NIBAN1: variants seen among roughly 807,000 people sequenced by gnomAD.
NIBAN1 encodes the protein niban apoptosis regulator 1, also known as protein Niban 1.
In NIBAN1, 81 loss-of-function variants were observed where a neutral mutation model predicts 75.1. That is an observed-to-expected ratio of 1.08 (90% CI 0.90 to 1.30). NIBAN1 has a LOEUF of 1.30. Among genes scored for constraint, NIBAN1 ranks in the 50% most tolerant of loss-of-function variants. NIBAN1 has a pLI of 0.00. For missense variants in NIBAN1, 1,133 were observed against 1,128.1 expected (o/e 1.00, Z -0.06); for synonymous variants, 436 against 424.8 (o/e 1.03, Z -0.32).
intron 9 of NIBAN1, among the ~76,000 whole-genome samples, chr1:184,816,257 T>C (rs1654531097): frequency 2.0e-5 from 3 of 152,220 alleles, no homozygotes; most frequent in African/African-American, 4.8e-5. Context: ...TGGTGTGCTG[T>C]ATTCTCTCAA....
At chr1:184,854,853 A>G (rs192251649) in intron 5 of NIBAN1, among the ~76,000 whole-genome samples, 3 of 152,346 alleles carry the variant, frequency 2.0e-5, no homozygotes, top group South Asian at 4.1e-4. Context: ...AATTAACTCA[A>G]TCCATGGAAC....
chr1:184,899,029 C>G, intron 2 of NIBAN1, 150 bp downstream of exon 2: 13 of 805,848 alleles, frequency 1.6e-5, no homozygotes, highest in Non-Finnish European at 2.5e-5. Flanking sequence ...ATTCTAACTT[C>G]CAGGCAAATA....
intron 1 of NIBAN1, among the ~76,000 whole-genome samples, chr1:184,919,894 A>G (rs1037991004): frequency 2.6e-5 from 4 of 151,920 alleles, no homozygotes. Flanking sequence ...CTTCAAGCAG[A>G]AGAAATTTCC....
chr1:184,845,978 C>CA (rs1349988226), intron 5 of NIBAN1, among the ~76,000 whole-genome samples: 1 of 82,104 alleles, frequency 1.2e-5, no homozygotes, highest in East Asian at 2.6e-4. Flanking sequence ...GTCCTACGCC[C>CA]ACGGAATCTC....
chr1:184,883,025 T>C (rs1240826698), intron 5 of NIBAN1, among the ~76,000 whole-genome samples: 1 of 152,224 alleles, frequency 6.6e-6, no homozygotes, highest in Non-Finnish European at 1.5e-5. Context: ...CTTATCTTTT[T>C]CCGTGAGTCC....
At chr1:184,829,758 G>A (rs376832747) in intron 6 of NIBAN1, among the ~76,000 whole-genome samples, 125 of 152,180 alleles carry the variant, frequency 8.2e-4, no homozygotes, top group African/African-American at 2.6e-3. Flanking sequence ...GAGCCACTGC[G>A]CCTGGCCTAA....
chr1:184,888,182 C>G (rs1054072398), intron 4 of NIBAN1: 2 of 152,166 alleles, frequency 1.3e-5, no homozygotes, highest in South Asian at 2.1e-4. Context: ...GAGTGAGACT[C>G]TGTCTCAAAA....
intron 5 of NIBAN1, among the ~76,000 whole-genome samples, chr1:184,852,989 A>T (rs1655583229): frequency 6.6e-6 from 1 of 152,208 alleles, no homozygotes; most frequent in Non-Finnish European, 1.5e-5. Flanking sequence ...TGGACTTACC[A>T]CATGGAATAT....
intron 1 of NIBAN1, among the ~76,000 whole-genome samples, chr1:184,922,357 A>AT (rs1245477031): frequency 2.6e-5 from 4 of 151,856 alleles, no homozygotes; most frequent in East Asian, 1.9e-4. Flanking sequence ...ATCTAACTAC[A>AT]TTTTTTTACC....
At chr1:184,852,769 A>T (rs769941686) in intron 5 of NIBAN1, among the ~76,000 whole-genome samples, 10 of 152,202 alleles carry the variant, frequency 6.6e-5, no homozygotes, top group Admixed American at 4.6e-4. Context: ...CCCGCTAAAC[A>T]TTCTCTCTTT....
chr1:184,876,624 C>G (rs1362009377), intron 5 of NIBAN1, among the ~76,000 whole-genome samples: 4 of 151,562 alleles, frequency 2.6e-5, no homozygotes, highest in African/African-American at 9.7e-5. Flanking sequence ...CCTCTTGAGC[C>G]AGGGAGGCAG....
intron 1 of NIBAN1, among the ~76,000 whole-genome samples, chr1:184,919,909 T>A (rs919620240): frequency 6.6e-6 from 1 of 151,894 alleles, no homozygotes; most frequent in East Asian, 1.9e-4. Flanking sequence ...ATTTCCTTTT[T>A]TCAGGGGCTG....
intron 9 of NIBAN1, among the ~76,000 whole-genome samples, chr1:184,817,389 G>C (rs1188885135): frequency 6.6e-6 from 1 of 152,320 alleles, no homozygotes; most frequent in South Asian, 2.1e-4. Context: ...TATATACCCA[G>C]TAATGGGATG....
chr1:184,857,835 G>A (rs529568984), intron 5 of NIBAN1, among the ~76,000 whole-genome samples: 104 of 151,766 alleles, frequency 6.9e-4, no homozygotes, highest in African/African-American at 1.4e-3. Flanking sequence ...TGGTGCTGGC[G>A]CAACTGATTT....
intron 1 of NIBAN1, among the ~76,000 whole-genome samples, chr1:184,964,191 G>A (rs1237607820): frequency 1.3e-5 from 2 of 152,212 alleles, no homozygotes; most frequent in Non-Finnish European, 2.9e-5. Context: ...AGTGACTGCT[G>A]AGGAGTGGAA....
intron 5 of NIBAN1, among the ~76,000 whole-genome samples, chr1:184,881,663 T>A (rs1656382646): frequency 6.6e-6 from 1 of 152,124 alleles, no homozygotes; most frequent in African/African-American, 2.4e-5. Flanking sequence ...ATTTTTATGG[T>A]TATTTCTTGA....
At chr1:184,865,082 T>C (rs192349654) in intron 5 of NIBAN1, among the ~76,000 whole-genome samples, 19 of 150,700 alleles carry the variant, frequency 1.3e-4, no homozygotes, top group Admixed American at 7.3e-4. Flanking sequence ...CCAGTCAGAA[T>C]GGCTATTACT....
chr1:184,897,722 T>C (rs1489476491), intron 2 of NIBAN1, among the ~76,000 whole-genome samples: 1 of 152,224 alleles, frequency 6.6e-6, no homozygotes, highest in Non-Finnish European at 1.5e-5. Context: ...CGACTCTTCC[T>C]TCTAAGTAAA....
chr1:184,811,270 T>C (rs1467659553), intron 9 of NIBAN1, among the ~76,000 whole-genome samples: 1 of 152,184 alleles, frequency 6.6e-6, no homozygotes, highest in Non-Finnish European at 1.5e-5. Context: ...TTTTTCATTT[T>C]TCTTGTGTGC....
Sources: allele counts gnomAD v4.1 joint callset (sites outside exome capture counted in the v4.1 genomes callset), GRCh38; gene constraint gnomAD v4.1.1; transcripts MANE v1.5; gene names NCBI Gene and HGNC (gene_info 2026-07-23, HGNC 2026-07-21).